The following PSMA5 variants were observed in gnomAD, a reference collection of about 807,000 sequenced individuals.
The protein encoded by PSMA5 is proteasome subunit alpha type-5.
Under a neutral mutation model 34.5 loss-of-function variants are expected in PSMA5, and 3 were observed. The ratio of observed to expected loss-of-function variants is 0.09; its 90% CI spans 0.04 to 0.22. The LOEUF (loss-of-function observed/expected upper bound fraction) is 0.22, where lower values mean the gene tolerates loss of function less well. Ranked by LOEUF, PSMA5 falls within the 10% of genes least tolerant of loss-of-function variation. The probability of loss-of-function intolerance (pLI) is 1.00; values close to 1 mark genes in which losing one functional copy is unlikely to be tolerated. For synonymous variants in PSMA5, 88 were observed against 95.8 expected, an observed-to-expected ratio of 0.92 and a Z score of 0.47; for missense variants, 120 against 286.1, an observed-to-expected ratio of 0.42 and a Z score of 4.19.
At chr1:109,412,013 C>T in intron 5 of PSMA5, 64 bp downstream of exon 5, 2 of 1,582,272 alleles carry the variant, frequency 1.3e-6, no homozygotes, top group South Asian at 1.1e-5. Flanking sequence ...ATGTTATGTT[C>T]ACAGGACAAA....
chr1:109,407,801 C>G (rs1653838554), intron 8 of PSMA5, among the ~76,000 whole-genome samples: 1 of 152,082 alleles, frequency 6.6e-6, no homozygotes, highest in East Asian at 1.9e-4. Flanking sequence ...ACCACCACAC[C>G]CAGCTAATTT....
chr1:109,409,869 C>T (rs1411192836), intron 8 of PSMA5, 59 bp downstream of exon 8: 3 of 1,256,470 alleles, frequency 2.4e-6, no homozygotes, highest in East Asian at 2.3e-5. Flanking sequence ...GGCAATATAG[C>T]CAGACCTCAT....
intron 3 of PSMA5, among the ~76,000 whole-genome samples, chr1:109,413,857 GCTA>G (rs1654096300): frequency 6.6e-6 from 1 of 152,000 alleles, no homozygotes; most frequent in Admixed American, 6.6e-5. Flanking sequence ...CCATTCTCTG[GCTA>G]CTGTGTTGGT....
At chr1:109,407,263 A>G (rs1319104663) in intron 8 of PSMA5, among the ~76,000 whole-genome samples, 1 of 152,152 alleles carries the variant, frequency 6.6e-6, no homozygotes, top group East Asian at 1.9e-4. Flanking sequence ...CTGAGATTAC[A>G]GGCATGAGCC....
At position 109,409,897 on chromosome 1, in the gene PSMA5, GA is replaced by G. The variant is rs780861558; in HGVS notation, c.648+30del. On this transcript the variant is annotated intron_variant, in intron 8 of 8. Transcript: ENST00000271308. ...GACCTCATCTCTTAAAAAAAAAACC[GA>G]AAAAAATCCAACAATAAAACAGAAA... is the stretch of plus-strand genomic sequence containing the variant. 1.6e-5 allele frequency: 25 copies of G among 1,518,346 alleles called. No homozygotes were observed. In the African/African-American group the frequency reaches 2.7e-4, roughly 16 times the overall value. 94.1% of individuals were successfully genotyped at this position (1,518,346 alleles called of 1,614,324 possible).
At chr1:109,423,187 C>G (rs772923123) in intron 1 of PSMA5, among the ~76,000 whole-genome samples, 2 of 152,212 alleles carry the variant, frequency 1.3e-5, no homozygotes, top group African/African-American at 2.4e-5. Flanking sequence ...GCCTGTAATC[C>G]CAGCACGTTG....
chr1:109,418,364 T>C (rs1222206771), intron 2 of PSMA5, among the ~76,000 whole-genome samples: 1 of 152,190 alleles, frequency 6.6e-6, no homozygotes, highest in East Asian at 1.9e-4. Flanking sequence ...TTGCCCACGA[T>C]GGAGTGCAGT....
intron 5 of PSMA5, 37 bp from the exon 6 acceptor site, chr1:109,411,972 C>A: frequency 6.3e-7 from 1 of 1,595,654 alleles, no homozygotes; most frequent in Non-Finnish European, 8.6e-7. Context: ...AGATAAATGG[C>A]TATAAAGTAA....
rs560931402 is a variant in PSMA5, at chr1:109,404,933, C to T, written c.649-2843G>A. ...GATCTGGAGGAGCCCAGGAAGGCTT[C>T]AGGGAGAAGCAACTTTTGAGTTGTG... is the stretch of plus-strand genomic sequence containing the variant. On this transcript the variant is annotated intron_variant, in intron 8 of 8. Coordinates refer to ENST00000271308, the MANE Select transcript of PSMA5 (RefSeq NM_002790.4). 5.9e-5 allele frequency among the ~76,000 whole-genome samples: 9 copies of T among 152,258 alleles called. No homozygotes were observed. In the East Asian group the frequency reaches 1.7e-3, roughly 29 times the overall value.
At chr1:109,419,195 A>C (rs1381450801) in intron 2 of PSMA5, among the ~76,000 whole-genome samples, 1 of 152,152 alleles carries the variant, frequency 6.6e-6, no homozygotes, top group African/African-American at 2.4e-5. Context: ...ATACTACTGG[A>C]AAATGGGTTC....
intron 2 of PSMA5, among the ~76,000 whole-genome samples, chr1:109,419,995 C>G (rs1654377157): frequency 6.7e-6 from 1 of 150,362 alleles, no homozygotes; most frequent in Non-Finnish European, 1.5e-5. Context: ...AAAAAGGAAT[C>G]CTTAATAGGA....
chr1:109,409,036 CT>C (rs760960544), intron 8 of PSMA5, among the ~76,000 whole-genome samples: 25 of 152,062 alleles, frequency 1.6e-4, no homozygotes, highest in African/African-American at 2.7e-4. Context: ...ATTTTCAAGA[CT>C]TTTCCACATC....
At chr1:109,426,017 G>A (rs1191676012) in intron 1 of PSMA5, 1 of 561,140 alleles carries the variant, frequency 1.8e-6, no homozygotes, top group Non-Finnish European at 3.2e-6. Context: ...CGGGTTCAAG[G>A]TAGGAGTTCC....
chr1:109,402,808 C>T (rs974590413), intron 8 of PSMA5, among the ~76,000 whole-genome samples: 2 of 152,126 alleles, frequency 1.3e-5, no homozygotes, highest in African/African-American at 4.8e-5. Context: ...CGGGTTCAAG[C>T]GATTCTCCTG....
At chr1:109,421,827 A>G in intron 2 of PSMA5, 33 bp downstream of exon 2, 1 of 1,514,706 alleles carries the variant, frequency 6.6e-7, no homozygotes, top group East Asian at 2.4e-5. Context: ...GGTAGCCATG[A>G]AATTTCAGGA....
At chr1:109,410,545 T>C (rs1653949678) in intron 7 of PSMA5, among the ~76,000 whole-genome samples, 1 of 152,216 alleles carries the variant, frequency 6.6e-6, no homozygotes, top group South Asian at 2.1e-4. Context: ...AAACCAAATC[T>C]TCCCATCTCA....
intron 6 of PSMA5, 63 bp from the exon 7 acceptor site, chr1:109,411,176 G>T: frequency 2.6e-6 from 3 of 1,164,256 alleles, no homozygotes; most frequent in Non-Finnish European, 3.8e-6. Context: ...TGTAACAAAC[G>T]TCTCACTAAA....
At chr1:109,423,671 T>C (rs561240210) in intron 1 of PSMA5, among the ~76,000 whole-genome samples, 4 of 152,234 alleles carry the variant, frequency 2.6e-5, no homozygotes, top group Non-Finnish European at 5.9e-5. Flanking sequence ...AAGTTCTAAA[T>C]GATCTGACTC....
intron 6 of PSMA5, 114 bp from the exon 7 acceptor site, chr1:109,411,227 C>T (rs963524701): frequency 2.4e-5 from 16 of 669,358 alleles, no homozygotes; most frequent in Non-Finnish European, 2.9e-5. Flanking sequence ...GGAAACACCA[C>T]TGAAATATTG....
Sources: allele counts gnomAD v4.1 joint callset (sites outside exome capture counted in the v4.1 genomes callset), GRCh38; gene constraint gnomAD v4.1.1; transcripts MANE v1.5; gene names NCBI Gene and HGNC (gene_info 2026-07-23, HGNC 2026-07-21).